Variants in FAM151B observed in about 807,000 individuals in gnomAD.
The protein encoded by FAM151B is protein FAM151B.
FAM151B carries 24 observed loss-of-function variants against 31.2 expected under a neutral mutation model. The ratio of observed to expected loss-of-function variants is 0.77; its 90% CI spans 0.56 to 1.08. The LOEUF (loss-of-function observed/expected upper bound fraction) is 1.08. Ranked by LOEUF, FAM151B falls within the 50% of genes least tolerant of loss-of-function variation. FAM151B has a pLI of 0.00. For synonymous variants in FAM151B, 105 were observed against 111.4 expected, an observed-to-expected ratio of 0.94 and a Z score of 0.36; for missense variants, 293 against 328.6, an observed-to-expected ratio of 0.89 and a Z score of 0.84.
Position 80,513,646 on chromosome 5 carries a change from A to G in FAM151B, c.194A>G (p.Asp65Gly), listed in dbSNP as rs1481927493. The G allele has an allele frequency of 1.9e-6, 3 of 1,614,098 alleles. No individual in the cohort carries two copies. The highest frequency in any genetic ancestry group is 2.2e-5 in the South Asian group (2 of 91,078). ...MIEADVLLPS[D>G]GSEHSQPIMA... is the part of the protein sequence containing the mutation. ...GAGGCTGATGTCCTTCTTCCAAGTG[A>G]TGGATCAGAACACAGCCAGCCAATT... The change falls in exon 3 of 6, where the codon GAT becomes GGT. Residue 65 changes from aspartate to glycine, a missense_variant. Physicochemically the swap from Asp to Gly is moderately conservative, Grantham distance 94. Coordinates refer to ENST00000282226, the MANE Select transcript of FAM151B (RefSeq NM_205548.3).
intron 5 of FAM151B, among the ~76,000 whole-genome samples, chr5:80,541,148 T>G (rs1745867819): frequency 6.6e-6 from 1 of 152,214 alleles, no homozygotes; most frequent in Non-Finnish European, 1.5e-5. Context: ...TCTAAATGTA[T>G]TCTATTTGTC....
In FAM151B at chr5:80,506,127, C is replaced by T. The variant is rs1743952218; in HGVS notation, c.151+4210C>T. ...ATATGGAAACTGGTTCCATTTGTAGCTCCAGGGGTGCATTACAATAAGTTA... is the reference window on the plus strand; with the variant it reads ...ATATGGAAACTGGTTCCATTTGTAGTTCCAGGGGTGCATTACAATAAGTTA... On this transcript the variant is annotated intron_variant, in intron 2 of 5. Coordinates refer to ENST00000282226, the MANE Select transcript of FAM151B (RefSeq NM_205548.3). 4.1e-6 allele frequency: 4 copies of T among 984,838 alleles called. No homozygotes were observed. The African/African-American group carries it at 5.2e-5, about 13-fold the overall frequency. 61.0% of individuals were successfully genotyped at this position (984,838 alleles called of 1,614,324 possible).
At chr5:80,522,793 T>C (rs1013372397) in intron 5 of FAM151B, among the ~76,000 whole-genome samples, 6 of 152,164 alleles carry the variant, frequency 3.9e-5, no homozygotes, top group African/African-American at 1.4e-4. Flanking sequence ...CTTTTTTATA[T>C]AAAAGTTTTA....
intron 1 of FAM151B, among the ~76,000 whole-genome samples, chr5:80,496,455 T>C (rs1212553542): frequency 6.6e-6 from 1 of 152,238 alleles, no homozygotes. Flanking sequence ...ACATAACTTT[T>C]ATATGTACTG....
Position 80,519,288 on chromosome 5 carries a change from G to A in FAM151B, c.318-405G>A, listed in dbSNP as rs144953542. Among the ~76,000 whole-genome samples, 779 of 152,034 alleles carry A rather than the reference G, an allele frequency of 5.1e-3. 8 individuals are homozygous for A. The highest frequency in any genetic ancestry group is 0.018 in the African/African-American group (756 of 41,452). On this transcript the variant is annotated intron_variant, in intron 3 of 5. Transcript: ENST00000282226. ...GAGATACAGGGCTTGGATCCACTTG[G>A]GTATTTCATAAATGTGAATTTACAG...
At chr5:80,527,608 T>A (rs1745031096) in intron 5 of FAM151B, among the ~76,000 whole-genome samples, 1 of 152,184 alleles carries the variant, frequency 6.6e-6, no homozygotes, top group Non-Finnish European at 1.5e-5. Context: ...CAGTGGTAAG[T>A]ATCTGTGTAT....
Position 80,489,921 on chromosome 5 carries a change from C to CAAAACA in FAM151B, c.25+1790_25+1795dup, listed in dbSNP as rs950771182. ...CCTGAGCAACAGAGAGAAACTGTCT[C>CAAAACA]AAAACAAAAACAAAAACAAAAATTT... On this transcript the variant is annotated intron_variant, in intron 1 of 5. Coordinates refer to ENST00000282226, the MANE Select transcript of FAM151B (RefSeq NM_205548.3). Among the ~76,000 whole-genome samples the CAAAACA allele has an allele frequency of 3.3e-5, 5 of 150,442 alleles. No individual in the cohort carries two copies. In the East Asian group the frequency reaches 9.7e-4, roughly 29 times the overall value.
chr5:80,531,691 C>T (rs1011477457), intron 5 of FAM151B, among the ~76,000 whole-genome samples: 8 of 152,120 alleles, frequency 5.3e-5, no homozygotes, highest in Non-Finnish European at 1.2e-4. Context: ...AATGAGAAAC[C>T]GTCTCACATC....
intron 5 of FAM151B, among the ~76,000 whole-genome samples, chr5:80,539,617 G>A (rs766949381): frequency 9.2e-5 from 14 of 151,848 alleles, no homozygotes; most frequent in South Asian, 2.1e-4. Context: ...TCAGCCTCCC[G>A]AGTTAATGGG....
At chr5:80,505,475 A>G (rs1743917573) in intron 2 of FAM151B, among the ~76,000 whole-genome samples, 1 of 151,176 alleles carries the variant, frequency 6.6e-6, no homozygotes, top group Non-Finnish European at 1.5e-5. Context: ...GCTCACTGCA[A>G]GCTCCGCCTC....
chr5:80,535,700 C>T (rs1745465439), intron 5 of FAM151B, among the ~76,000 whole-genome samples: 1 of 152,110 alleles, frequency 6.6e-6, no homozygotes. Context: ...TTTAGTAATA[C>T]CCCACAAGCA....
intron 5 of FAM151B, among the ~76,000 whole-genome samples, chr5:80,530,827 G>A (rs529581526): frequency 0.096 from 14,536 of 152,062 alleles, 951 homozygotes; most frequent in African/African-American, 0.18. Flanking sequence ...TAATTTATAT[G>A]TTCAATGCCA....
At chr5:80,493,916 T>TA (rs1409677389) in intron 1 of FAM151B, among the ~76,000 whole-genome samples, 1 of 152,194 alleles carries the variant, frequency 6.6e-6, no homozygotes. Context: ...CCTCCCCTTT[T>TA]AAAATCCCTA....
intron 5 of FAM151B, among the ~76,000 whole-genome samples, chr5:80,526,222 C>T (rs1407507675): frequency 6.6e-6 from 1 of 152,092 alleles, no homozygotes; most frequent in Non-Finnish European, 1.5e-5. Context: ...TCAATGGACT[C>T]ACTCAGTTCT....
rs149406102 is a variant in FAM151B, at chr5:80,500,543, G to A, written c.26-1249G>A. The A allele has an allele frequency of 1.3e-3, 967 of 756,258 alleles. 11 individuals are homozygous for A. Among genetic ancestry groups the A allele is most frequent in the Non-Finnish European group, 3.2e-4 (132 of 415,180 alleles). The allele number at this position is 756,258 out of a possible 1,614,324, so 46.8% of individuals were successfully genotyped here. A position where few individuals can be genotyped will look rare whatever the true frequency, so the allele number is the denominator to read the frequency against. Reference sequence around the variant, plus strand: ...GATATACAGAACTGAATTTTGAATGGCAAGGATGGCGAGAAAAGCTGGCAA... The same window carrying A: ...GATATACAGAACTGAATTTTGAATGACAAGGATGGCGAGAAAAGCTGGCAA... On this transcript the variant is annotated intron_variant, in intron 1 of 5. Coordinates refer to ENST00000282226, the MANE Select transcript of FAM151B (RefSeq NM_205548.3).
chr5:80,518,473 C>T (rs1453419667), intron 3 of FAM151B, among the ~76,000 whole-genome samples: 4 of 152,152 alleles, frequency 2.6e-5, no homozygotes, highest in African/African-American at 4.8e-5. Flanking sequence ...GTGGTTTTAA[C>T]ATGGTGTTGA....
At chr5:80,531,790 G>A (rs1401944075) in intron 5 of FAM151B, among the ~76,000 whole-genome samples, 1 of 152,180 alleles carries the variant, frequency 6.6e-6, no homozygotes, top group African/African-American at 2.4e-5. Context: ...CTGTTGGTGG[G>A]ACTATAAACT....
At chr5:80,504,479 G>A (rs1419132888) in intron 2 of FAM151B, among the ~76,000 whole-genome samples, 1 of 141,682 alleles carries the variant, frequency 7.1e-6, no homozygotes, top group Non-Finnish European at 1.5e-5. Context: ...TCTATCTATT[G>A]GAAATAATGG....
intron 3 of FAM151B, among the ~76,000 whole-genome samples, chr5:80,514,008 A>T (rs1349092052): frequency 6.6e-6 from 1 of 152,212 alleles, no homozygotes; most frequent in African/African-American, 2.4e-5. Context: ...GACCATCGTG[A>T]CAACAGAAAG....
Sources: allele counts gnomAD v4.1 joint callset (sites outside exome capture counted in the v4.1 genomes callset), GRCh38; gene constraint gnomAD v4.1.1; transcripts MANE v1.5; gene names NCBI Gene and HGNC (gene_info 2026-07-23, HGNC 2026-07-21).